Variants in ANGPT1 observed in about 807,000 individuals in gnomAD.
ANGPT1 encodes the protein angiopoietin 1.
ANGPT1 carries 17 observed loss-of-function variants against 62.2 expected under a neutral mutation model. The ratio of observed to expected loss-of-function variants is 0.27; its 90% confidence interval spans 0.19 to 0.41. The LOEUF is 0.41. ANGPT1 is among the 10% of genes least tolerant of loss of function. The pLI, the probability that ANGPT1 is intolerant of heterozygous loss-of-function variation, is 1.00. For missense variants in ANGPT1, 478 were observed against 594.9 expected (o/e 0.80, Z 2.04); for synonymous variants, 199 against 198.9 (o/e 1.00, Z 0.00).
rs1028352049 is a variant in ANGPT1 at position 107,250,027 on chromosome 8, A to G, written c.*1828T>C. 6 of 152,600 alleles carry G rather than the reference A, an allele frequency of 3.9e-5. No individual in the cohort carries two copies. Among genetic ancestry groups the G allele is most frequent in the African/African-American group, 1.4e-4 (6 of 41,450 alleles). 9.5% of individuals were successfully genotyped at this position (152,600 alleles called of 1,614,324 possible). A position where few individuals can be genotyped will look rare whatever the true frequency, so the allele number is the denominator to read the frequency against. On this transcript the variant is annotated 3_prime_UTR_variant, in exon 9 of 9. Transcript: ENST00000517746. ...GGGTAGAATACAGACACATAAATAT[A>G]AAAAAGACTTGATGGTAAACTTTAA...
chr8:107,472,053 A>G (rs561731243), intron 1 of ANGPT1, among the ~76,000 whole-genome samples: 1 of 152,166 alleles, frequency 6.6e-6, no homozygotes, highest in African/African-American at 2.4e-5. Flanking sequence ...TTAGAGGAAT[A>G]CTTTATAGGT....
rs543384450 is a variant in ANGPT1, at chr8:107,419,048, T to C, written c.298-71951A>G. Among the ~76,000 whole-genome samples the C allele has an allele frequency of 6.6e-5, 10 of 152,298 alleles. No homozygotes were observed. In the South Asian group the frequency reaches 1.4e-3, roughly 22 times the overall value. ...AAACTGATATGTGTACATGTATCAA[T>C]AGTATATTTTCTAGGTCTAAAATCG... On this transcript the variant is annotated intron_variant, in intron 1 of 8. Coordinates refer to ENST00000517746, the MANE Select transcript of ANGPT1 (RefSeq NM_001146.5).
intron 8 of ANGPT1, among the ~76,000 whole-genome samples, chr8:107,256,272 G>A (rs979545938): frequency 1.3e-5 from 2 of 152,140 alleles, no homozygotes; most frequent in Non-Finnish European, 2.9e-5. Flanking sequence ...AATTACTTCT[G>A]TGTAGGCAAG....
At chr8:107,271,082 C>T (rs1813722891) in intron 7 of ANGPT1, among the ~76,000 whole-genome samples, 1 of 151,994 alleles carries the variant, frequency 6.6e-6, no homozygotes, top group African/African-American at 2.4e-5. Context: ...CTCCTCCACA[C>T]ACACGAAATG....
chr8:107,420,496 G>T (rs1287167023), intron 1 of ANGPT1, among the ~76,000 whole-genome samples: 1 of 152,160 alleles, frequency 6.6e-6, no homozygotes, highest in Admixed American at 6.6e-5. Context: ...TTAATTGTTA[G>T]TTGTCTCTCC....
At chr8:107,444,832 T>G (rs1344287900) in intron 1 of ANGPT1, among the ~76,000 whole-genome samples, 1 of 152,040 alleles carries the variant, frequency 6.6e-6, no homozygotes, top group East Asian at 1.9e-4. Context: ...AAATTGCACC[T>G]CTCTACCCAT....
intron 3 of ANGPT1, among the ~76,000 whole-genome samples, chr8:107,325,362 T>C (rs1815262455): frequency 6.6e-6 from 1 of 152,204 alleles, no homozygotes; most frequent in African/African-American, 2.4e-5. Flanking sequence ...AATTTAGAGT[T>C]GTTAACTTAT....
rs1329887719 is a variant in ANGPT1, at chr8:107,497,126, C to A, written c.297+136G>T. On this transcript the variant is annotated intron_variant, in intron 1 of 8. Transcript: ENST00000517746. ...ACCCAGGAAGCCAAACCCAGACAGC[C>A]GTCTTGCAATTGCAAACACTGCCCC... is the stretch of plus-strand genomic sequence containing the variant. The A allele has an allele frequency of 3.9e-6, 4 of 1,026,734 alleles. No homozygotes were observed. In the East Asian group the frequency reaches 1.0e-4, roughly 27 times the overall value. The allele number at this position is 1,026,734 out of a possible 1,614,324, so 63.6% of individuals were successfully genotyped here.
chr8:107,354,553 T>C (rs551129313), intron 1 of ANGPT1, among the ~76,000 whole-genome samples: 1 of 152,298 alleles, frequency 6.6e-6, no homozygotes, highest in African/African-American at 2.4e-5. Context: ...AATATTAATT[T>C]ATTATAGAAA....
chr8:107,462,781 C>T (rs1245369867), intron 1 of ANGPT1, among the ~76,000 whole-genome samples: 1 of 152,002 alleles, frequency 6.6e-6, no homozygotes, highest in Non-Finnish European at 1.5e-5. Context: ...CAGAAAACAA[C>T]CGACTAACCA....
At position 107,285,185 on chromosome 8, in the gene ANGPT1, T is replaced by C. The variant is rs117900921; in HGVS notation, c.1039-337A>G. On this transcript the variant is annotated intron_variant, in intron 6 of 8. Coordinates refer to ENST00000517746, the MANE Select transcript of ANGPT1 (RefSeq NM_001146.5). Reference sequence around the variant, plus strand: ...TTGAAAATGTTTCTAAATTACTAGTTAACAAAATATTTTGAATAGAGTTTA... The same window carrying C: ...TTGAAAATGTTTCTAAATTACTAGTCAACAAAATATTTTGAATAGAGTTTA... 6.9e-4 allele frequency among the ~76,000 whole-genome samples: 105 copies of C among 152,222 alleles called. 2 individuals carry two copies. In the East Asian group the frequency reaches 0.011, roughly 16 times the overall value.
At chr8:107,305,100 C>A (rs1814683239) in intron 4 of ANGPT1, among the ~76,000 whole-genome samples, 1 of 151,856 alleles carries the variant, frequency 6.6e-6, no homozygotes, top group Admixed American at 6.6e-5. Context: ...TTACGGACTG[C>A]TATTTTTCTA....
intron 3 of ANGPT1, among the ~76,000 whole-genome samples, chr8:107,331,350 T>C (rs4357258): frequency 0.078 from 11,872 of 152,210 alleles, 499 homozygotes; most frequent in East Asian, 0.15. Flanking sequence ...ATAAATAGTT[T>C]ATATCTTCTG....
At chr8:107,485,764 G>A (rs1403802051) in intron 1 of ANGPT1, among the ~76,000 whole-genome samples, 1 of 152,214 alleles carries the variant, frequency 6.6e-6, no homozygotes, top group African/African-American at 2.4e-5. Flanking sequence ...ACTTTTCCAA[G>A]CAGGATTGCC....
intron 1 of ANGPT1, among the ~76,000 whole-genome samples, chr8:107,350,664 G>T (rs1210503693): frequency 6.6e-6 from 1 of 152,086 alleles, no homozygotes; most frequent in African/African-American, 2.4e-5. Flanking sequence ...TGCTCATTTA[G>T]GCTGCTATGA....
rs553900930 is a variant in ANGPT1, at chr8:107,472,514, C to T, written c.297+24748G>A. 4.6e-5 allele frequency among the ~76,000 whole-genome samples: 7 copies of T among 152,048 alleles called. No individual in the cohort carries two copies. The South Asian group carries it at 1.2e-3, about 27-fold the overall frequency. On this transcript the variant is annotated intron_variant, in intron 1 of 8. Coordinates refer to ENST00000517746, the MANE Select transcript of ANGPT1 (RefSeq NM_001146.5). ...CTTATAGGCTAAGAAAGGTACTTAA[C>T]GTTTGTTGGGTACCGTTCTTAAGAA...
chr8:107,465,558 T>C (rs1329408373), intron 1 of ANGPT1, among the ~76,000 whole-genome samples: 1 of 152,144 alleles, frequency 6.6e-6, no homozygotes, highest in Non-Finnish European at 1.5e-5. Flanking sequence ...AAAGTACAAC[T>C]GAATTCATGA....
At chr8:107,252,489 C>T (rs962188923) in intron 8 of ANGPT1, among the ~76,000 whole-genome samples, 3 of 152,144 alleles carry the variant, frequency 2.0e-5, no homozygotes, top group Admixed American at 2.0e-4. Flanking sequence ...AGATATTCTC[C>T]ATCTACTGCA....
At chr8:107,289,757 T>A (rs1485455754) in intron 6 of ANGPT1, among the ~76,000 whole-genome samples, 1 of 152,166 alleles carries the variant, frequency 6.6e-6, no homozygotes, top group Non-Finnish European at 1.5e-5. Flanking sequence ...TAGGAAGCTC[T>A]GTTTATGGGG....
Sources: allele counts gnomAD v4.1 joint callset (sites outside exome capture counted in the v4.1 genomes callset), GRCh38; gene constraint gnomAD v4.1.1; transcripts MANE v1.5; gene names NCBI Gene and HGNC (gene_info 2026-07-23, HGNC 2026-07-21).